ALS2CL: variants seen among roughly 807,000 people sequenced by gnomAD.
The protein encoded by ALS2CL is ALS2 C-terminal-like protein.
A neutral mutation model predicts 127.9 loss-of-function variants in ALS2CL; 112 were observed. The observed-to-expected ratio is 0.88, with a 90% CI of 0.75 to 1.02. ALS2CL has a LOEUF of 1.02. ALS2CL is among the 50% of genes least tolerant of loss of function. The pLI, the probability that ALS2CL is intolerant of heterozygous loss-of-function variation, is 0.00. For missense variants in ALS2CL, 1,174 were observed against 1,236.7 expected, an observed-to-expected ratio of 0.95 and a Z score of 0.76; for synonymous variants, 519 against 527.6, an observed-to-expected ratio of 0.98 and a Z score of 0.22.
chr3:46,686,287 C>T lies in ALS2CL; in HGVS notation c.666+21G>A, dbSNP rs769663954. 2.5e-6 allele frequency: 4 copies of T among 1,590,334 alleles called. No individual in the cohort carries two copies. Among genetic ancestry groups the T allele is most frequent in the African/African-American group, 2.7e-5 (2 of 74,282 alleles). On this transcript the variant is annotated intron_variant, in intron 6 of 25. Coordinates refer to ENST00000318962, the MANE Select transcript of ALS2CL (RefSeq NM_147129.5). The surrounding 1 kb of genome is among the most constrained non-coding windows in gnomAD (Gnocchi z 4.3). The stretch of plus-strand genomic sequence containing the variant: ...CAATGTGGAACCCCCTCCCTAACTG[C>T]CCCTCAGGCCCCCAACTCACCCTCA...
intron 1 of ALS2CL, among the ~76,000 whole-genome samples, chr3:46,692,864 C>G (rs1489232410): frequency 2.0e-5 from 3 of 152,244 alleles, no homozygotes; most frequent in African/African-American, 7.2e-5. Flanking sequence ...TCCCTGTCCT[C>G]TCCCAGGCCT....
At position 46,681,479 on chromosome 3, in the gene ALS2CL, C is replaced by A. The variant is rs775466488; in HGVS notation, c.1274+21G>T. 3 of 1,613,992 alleles carry A rather than the reference C, an allele frequency of 1.9e-6. No individual in the cohort carries two copies. The highest frequency in any genetic ancestry group is 2.2e-5 in the East Asian group (1 of 44,882). On this transcript the variant is annotated intron_variant, in intron 12 of 25. Coordinates refer to ENST00000318962, the MANE Select transcript of ALS2CL (RefSeq NM_147129.5). This position sits in a 1 kb window ranked among gnomAD's most constrained non-coding sequence, Gnocchi z 4.9. ...CAGAGGATGGGCCCAGCCCATGAACCCCCCAGCCAGGGTCACTTACTCACA... is the reference window on the plus strand; with the variant it reads ...CAGAGGATGGGCCCAGCCCATGAACACCCCAGCCAGGGTCACTTACTCACA...
At chr3:46,675,498 C>T (rs1698739469) in intron 20 of ALS2CL, 120 bp downstream of exon 20, 2 of 936,222 alleles carry the variant, frequency 2.1e-6, no homozygotes, top group Middle Eastern at 3.1e-4. Context: ...AATGTTTGGT[C>T]AATAGAGTGA....
At position 46,686,533 on chromosome 3, in the gene ALS2CL, G is replaced by A; in HGVS notation, c.535-94C>T. ...CGGCTGGTGGGGAGGCCTGAATCTA[G>A]GCCAGACCTTGCCCTTCTCTCCCTG... On this transcript the variant is annotated intron_variant, in intron 5 of 25. Coordinates refer to ENST00000318962, the MANE Select transcript of ALS2CL (RefSeq NM_147129.5). This position sits in a 1 kb window ranked among gnomAD's most constrained non-coding sequence, Gnocchi z 4.3. The A allele has an allele frequency of 6.7e-7, 1 of 1,493,874 alleles. No homozygotes were observed. Among genetic ancestry groups the A allele is most frequent in the Non-Finnish European group, 9.0e-7 (1 of 1,111,628 alleles). 92.5% of individuals were successfully genotyped at this position (1,493,874 alleles called of 1,614,324 possible).
At chr3:46,676,212 G>A in intron 19 of ALS2CL, 33 bp downstream of exon 19, 1 of 1,605,890 alleles carries the variant, frequency 6.2e-7, no homozygotes, top group Non-Finnish European at 8.5e-7. Context: ...AGTGTCACAG[G>A]GCAGTAGCTG....
rs776966040 is a variant in ALS2CL, at chr3:46,687,043, G to A, written c.474C>T (p.Leu158=). The change falls in exon 5 of 26, where the codon CTC becomes CTT. Residue 158 remains leucine (L), a synonymous_variant. Transcript: ENST00000318962. ...GCACGTACTGTTGCACGTGATGGGC[G>A]AGTGGCTGGTGGAGGGCCTGGCCCA... ...ASLGQALHQP[L]AHHVQQYVLL... is the part of the protein sequence containing the mutation. The A allele has an allele frequency of 1.1e-5, 17 of 1,604,138 alleles. No individual in the cohort carries two copies. Among genetic ancestry groups the A allele is most frequent in the South Asian group, 3.3e-5 (3 of 90,302 alleles).
chr3:46,676,081 C>T (rs1698789378), intron 19 of ALS2CL, 164 bp downstream of exon 19: 3 of 1,361,656 alleles, frequency 2.2e-6, no homozygotes, highest in East Asian at 2.5e-5. Context: ...CTCACCTCCC[C>T]ACCCTCTAAC....
intron 14 of ALS2CL, 91 bp from the exon 15 acceptor site, chr3:46,679,378 T>G: frequency 2.5e-4 from 233 of 938,222 alleles, no homozygotes; most frequent in Non-Finnish European, 3.2e-4. Flanking sequence ...AGAAGGGAGA[T>G]GTGCCCTGAC....
intron 22 of ALS2CL, among the ~76,000 whole-genome samples, chr3:46,672,806 C>T (rs1023258062): frequency 1.3e-5 from 2 of 152,126 alleles, no homozygotes; most frequent in Non-Finnish European, 2.9e-5. Flanking sequence ...ACCAGCCTGG[C>T]CAACATGGTG....
chr3:46,687,250 C>T, intron 4 of ALS2CL, 102 bp from the exon 5 acceptor site: 1 of 1,321,772 alleles, frequency 7.6e-7, no homozygotes, highest in Non-Finnish European at 1.0e-6. Context: ...ATCCCAGGGC[C>T]AGCCCCAGGC....
intron 1 of ALS2CL, among the ~76,000 whole-genome samples, chr3:46,692,904 G>T (rs780955746): frequency 6.6e-6 from 1 of 152,208 alleles, no homozygotes; most frequent in Non-Finnish European, 1.5e-5. Context: ...ACACCTTGTC[G>T]TGACACTCAC....
chr3:46,686,571 C>CT lies in ALS2CL; in HGVS notation c.535-133dup. 1 of 1,277,300 alleles carries CT rather than the reference C, an allele frequency of 7.8e-7. No homozygotes were observed. The highest frequency in any genetic ancestry group is 1.1e-6 in the Non-Finnish European group (1 of 938,468). 79.1% of individuals were successfully genotyped at this position (1,277,300 alleles called of 1,614,324 possible). A position where few individuals can be genotyped will look rare whatever the true frequency, so the allele number is the denominator to read the frequency against. On this transcript the variant is annotated intron_variant, in intron 5 of 25. Coordinates refer to ENST00000318962, the MANE Select transcript of ALS2CL (RefSeq NM_147129.5). This position sits in a 1 kb window ranked among gnomAD's most constrained non-coding sequence, Gnocchi z 4.3. ...CCTTCTCTCCCTGACAGCTCCTCTTCTGCTGGTGGGGCAGGGGGTGGAATA... is the reference window on the plus strand; with the variant it reads ...CCTTCTCTCCCTGACAGCTCCTCTTCTTGCTGGTGGGGCAGGGGGTGGAATA...
intron 10 of ALS2CL, among the ~76,000 whole-genome samples, 165 bp from the exon 11 acceptor site, chr3:46,682,259 T>G (rs1461953855): frequency 6.6e-6 from 1 of 152,186 alleles, no homozygotes; most frequent in African/African-American, 2.4e-5. Flanking sequence ...GAAAGCCCCT[T>G]TAGCCCTTTT....
chr3:46,685,561 A>G lies in ALS2CL; in HGVS notation c.750T>C (p.Arg250=). The change falls in exon 7 of 26, where the codon CGT becomes CGC. Residue 250 remains arginine, a synonymous_variant. Coordinates refer to ENST00000318962, the MANE Select transcript of ALS2CL (RefSeq NM_147129.5). The part of the protein sequence containing the change: ...PVTVAPLRAE[R]VLLFDDALVL... ...CGAGGGCATCATCAAAGAGCAGCAC[A>G]CGCTCAGCCCGCAACGGTGCGACCG... is the stretch of plus-strand genomic sequence containing the variant. The G allele has an allele frequency of 6.2e-7, 1 of 1,613,998 alleles. No individual in the cohort carries two copies. Among genetic ancestry groups the G allele is most frequent in the Non-Finnish European group, 8.5e-7 (1 of 1,179,948 alleles).
intron 14 of ALS2CL, 179 bp downstream of exon 14, chr3:46,680,251 G>C: frequency 3.2e-6 from 2 of 627,348 alleles, no homozygotes; most frequent in Non-Finnish European, 5.5e-6. Flanking sequence ...GCAGGGATTG[G>C]CCAGGGCCAG....
rs1698662108 is a variant in ALS2CL, at chr3:46,674,601, A to G, written c.2394T>C (p.Pro798=). The G allele has an allele frequency of 6.2e-7, 1 of 1,613,966 alleles. No individual in the cohort carries two copies. The highest frequency in any genetic ancestry group is 8.5e-7 in the Non-Finnish European group (1 of 1,179,956). ...SQGIANLSLF[P]DTQLLEFLDV... is the part of the protein sequence containing the mutation. ...CCAGGAACTCGAGCAGTTGGGTATCAGGAAAGAGGCTCAAGTTGGCAATGC... is the reference window on the plus strand; with the variant it reads ...CCAGGAACTCGAGCAGTTGGGTATCGGGAAAGAGGCTCAAGTTGGCAATGC... Residue 798 remains proline (P), a synonymous_variant, in exon 21 of 26, where the codon CCT becomes CCC. Transcript: ENST00000318962.
chr3:46,680,169 T>C lies in ALS2CL; in HGVS notation c.1548+261A>G, dbSNP rs1699204196. 1.2e-4 allele frequency: 56 copies of C among 483,552 alleles called. No homozygotes were observed. The South Asian group carries it at 1.4e-3, about 12-fold the overall frequency. The allele number at this position is 483,552 out of a possible 1,614,324, so 30.0% of individuals were successfully genotyped here. On this transcript the variant is annotated intron_variant, in intron 14 of 25. Transcript: ENST00000318962. Reference sequence around the variant, plus strand: ...ATCATCATGAGCAAGTGCTCCATTCTTGTTAGTTCATTGAGTCTATGGTAA... The same window carrying C: ...ATCATCATGAGCAAGTGCTCCATTCCTGTTAGTTCATTGAGTCTATGGTAA...
chr3:46,677,018 G>A lies in ALS2CL; in HGVS notation c.1762C>T (p.Leu588=). 6.2e-7 allele frequency: 1 copy of A among 1,601,884 alleles called. No homozygotes were observed. The highest frequency in any genetic ancestry group is 8.5e-7 in the Non-Finnish European group (1 of 1,174,120). The change falls in exon 17 of 26, where the codon CTG becomes TTG. Residue 588 remains leucine, a synonymous_variant. Coordinates refer to ENST00000318962, the MANE Select transcript of ALS2CL (RefSeq NM_147129.5). ...PDPSSTCKRQ[L]GVGAFPVESR... is the part of the protein sequence containing the mutation. ...TCCACGGGGAAGGCACCCACGCCCAGCTGCCTGCGATGGGGATGGAGGGTG... is the reference window on the plus strand; with the variant it reads ...TCCACGGGGAAGGCACCCACGCCCAACTGCCTGCGATGGGGATGGAGGGTG...
At position 46,687,259 on chromosome 3, in the gene ALS2CL, G is replaced by A. The variant is rs773880037; in HGVS notation, c.369-111C>T. The A allele has an allele frequency of 3.2e-5, 39 of 1,224,190 alleles. No individual in the cohort carries two copies. The Admixed American group carries it at 3.5e-4, about 11-fold the overall frequency. The allele number at this position is 1,224,190 out of a possible 1,614,324, so 75.8% of individuals were successfully genotyped here. ...CCTCAGATCCCAGGGCCAGCCCCAGGCCCAAAACCTCTACCCTATCAGATC... is the reference window on the plus strand; with the variant it reads ...CCTCAGATCCCAGGGCCAGCCCCAGACCCAAAACCTCTACCCTATCAGATC... On this transcript the variant is annotated intron_variant, in intron 4 of 25. Transcript: ENST00000318962.
Sources: allele counts gnomAD v4.1 joint callset (sites outside exome capture counted in the v4.1 genomes callset), GRCh38; gene constraint gnomAD v4.1.1; non-coding constraint Gnocchi (gnomAD v3.1); transcripts MANE v1.5; gene names NCBI Gene and HGNC (gene_info 2026-07-23, HGNC 2026-07-21).